DDX50: variants seen among roughly 807,000 people sequenced by gnomAD.
DDX50 encodes ATP-dependent RNA helicase DDX50.
In DDX50, 56 loss-of-function variants were observed where a neutral mutation model predicts 94.8. The observed-to-expected ratio is 0.59, with a 90% CI of 0.48 to 0.74. The LOEUF is 0.74. Ranked by LOEUF, DDX50 falls within the 30% of genes least tolerant of loss-of-function variation. The pLI, the probability that DDX50 is intolerant of heterozygous loss-of-function variation, is 0.00. For synonymous variants in DDX50, 264 were observed against 295.4 expected (o/e 0.89, Z 1.09); for missense variants, 713 against 881.2 (o/e 0.81, Z 2.42).
rs987320554 is a variant in DDX50 at position 68,911,261 on chromosome 10, G to T, written c.639+15G>T. 3.2e-6 allele frequency: 5 copies of T among 1,539,640 alleles called. No individual in the cohort carries two copies. The highest frequency in any genetic ancestry group is 1.3e-5 in the South Asian group (1 of 75,378). ...GCTCACCAAAGGTAATCGTTATAGG[G>T]GGTAAAAGCTTTAAATGTTACTCTA... On this transcript the variant is annotated intron_variant, in intron 4 of 14. Transcript: ENST00000373585.
rs531070735 is a variant in DDX50, at chr10:68,934,804, T to C, written c.1407T>C (p.Val469=). ...LVIQSSPPQD[V]ESYIHRSGRT... ...TTACCTTTTATAATCTTTAGGATGTTGAGTCCTATATCCATCGCTCTGGAC... is the reference window on the plus strand; with the variant it reads ...TTACCTTTTATAATCTTTAGGATGTCGAGTCCTATATCCATCGCTCTGGAC... Residue 469 remains valine, a synonymous_variant, in exon 10 of 15, where the codon GTT becomes GTC. Transcript: ENST00000373585. The surrounding 1 kb of genome is among the most constrained non-coding windows in gnomAD (Gnocchi z 4.0). The C allele has an allele frequency of 8.8e-6, 14 of 1,592,338 alleles. No homozygotes were observed. The highest frequency in any genetic ancestry group is 1.1e-5 in the Non-Finnish European group (13 of 1,173,164).
chr10:68,946,790 A>G lies in DDX50; in HGVS notation c.*160A>G. The stretch of plus-strand genomic sequence containing the variant: ...AAAGTATTTCACAAGAATGGAACAA[A>G]TCTACTTATCCAGTTATACCTTTGA... On this transcript the variant is annotated 3_prime_UTR_variant, in exon 15 of 15. Transcript: ENST00000373585. 1.1e-6 allele frequency: 1 copy of G among 873,278 alleles called. No homozygotes were observed. Among genetic ancestry groups the G allele is most frequent in the Non-Finnish European group, 1.7e-6 (1 of 584,230 alleles). The allele number at this position is 873,278 out of a possible 1,614,324, so 54.1% of individuals were successfully genotyped here.
Position 68,936,968 on chromosome 10 carries a change from A to AT in DDX50, c.1634dup (p.Arg546ProfsTer31), listed in dbSNP as rs1842436987. ...GCTTCCGTTTCTTACGCTGCTGTTG[A>AT]TTTTTTCCGACCATCAGCTCAGAGA... On this transcript the variant is annotated frameshift_variant, in exon 12 of 15. Coordinates refer to ENST00000373585, the MANE Select transcript of DDX50 (RefSeq NM_024045.2). LOFTEE classifies it high-confidence loss of function. The AT allele has an allele frequency of 6.2e-7, 1 of 1,607,796 alleles. No homozygotes were observed. The highest frequency in any genetic ancestry group is 8.5e-7 in the Non-Finnish European group (1 of 1,177,532).
At chr10:68,940,927 AT>A in intron 12 of DDX50, 132 bp from the exon 13 acceptor site, 2 of 1,209,706 alleles carry the variant, frequency 1.7e-6, no homozygotes, top group Admixed American at 3.2e-5. Context: ...TTTCAAAAAA[AT>A]TTTTTAGCTG....
chr10:68,928,048 G>A (rs1289895224), intron 8 of DDX50, among the ~76,000 whole-genome samples: 1 of 152,098 alleles, frequency 6.6e-6, no homozygotes. Context: ...ATAAAAGGAT[G>A]TTTTTGAAAT....
intron 14 of DDX50, among the ~76,000 whole-genome samples, chr10:68,945,686 T>C (rs773016161): frequency 3.9e-5 from 6 of 152,326 alleles, no homozygotes; most frequent in Non-Finnish European, 5.9e-5. Context: ...GATGCTCTTA[T>C]GGGTTACTGA....
Position 68,901,318 on chromosome 10 carries a change from T to C in DDX50, c.-67T>C, listed in dbSNP as rs1407710263. On this transcript the variant is annotated 5_prime_UTR_variant, in exon 1 of 15. Coordinates refer to ENST00000373585, the MANE Select transcript of DDX50 (RefSeq NM_024045.2). ...GGCGGCCGCCTTGCCCCCGCTTCCTTTCACGCTGTCGCTGCCCGTAGGTGG... is the reference window on the plus strand; with the variant it reads ...GGCGGCCGCCTTGCCCCCGCTTCCTCTCACGCTGTCGCTGCCCGTAGGTGG... The C allele has an allele frequency of 4.9e-6, 7 of 1,440,178 alleles. No individual in the cohort carries two copies. Among genetic ancestry groups the C allele is most frequent in the Non-Finnish European group, 6.5e-6 (7 of 1,080,912 alleles). 89.2% of individuals were successfully genotyped at this position (1,440,178 alleles called of 1,614,324 possible).
At position 68,923,705 on chromosome 10, in the gene DDX50, G is replaced by A. The variant is rs184881241; in HGVS notation, c.1239+3724G>A. 5.2e-3 allele frequency among the ~76,000 whole-genome samples: 793 copies of A among 151,356 alleles called. 4 individuals are homozygous for A. The highest frequency in any genetic ancestry group is 0.018 in the African/African-American group (756 of 41,232). On this transcript the variant is annotated intron_variant, in intron 8 of 14. Transcript: ENST00000373585. ...ATTACAGGTACACACCACCACACCCGGCTAATTTTTGTATATTTAGTAGAG... is the reference window on the plus strand; with the variant it reads ...ATTACAGGTACACACCACCACACCCAGCTAATTTTTGTATATTTAGTAGAG...
intron 3 of DDX50, 65 bp from the exon 4 acceptor site, chr10:68,911,003 A>G: frequency 2.5e-6 from 3 of 1,219,818 alleles, no homozygotes; most frequent in Non-Finnish European, 3.3e-6. Context: ...TGTCATTTTC[A>G]AATGAATATA....
chr10:68,933,935 A>T (rs1842336367), intron 8 of DDX50, among the ~76,000 whole-genome samples: 1 of 142,404 alleles, frequency 7.0e-6, no homozygotes, highest in Admixed American at 7.1e-5. Flanking sequence ...AACTCTGTCT[A>T]AAAAAAAAAA....
chr10:68,940,746 T>C (rs1477762743), intron 12 of DDX50, among the ~76,000 whole-genome samples: 4 of 152,150 alleles, frequency 2.6e-5, no homozygotes, highest in African/African-American at 9.7e-5. Context: ...TGACTTTGAC[T>C]CCTTCAACAT....
intron 8 of DDX50, among the ~76,000 whole-genome samples, chr10:68,921,711 A>G (rs1170050018): frequency 1.3e-5 from 2 of 152,174 alleles, no homozygotes; most frequent in Non-Finnish European, 2.9e-5. Flanking sequence ...CCTATTGATA[A>G]TATCTTGTTT....
At chr10:68,931,989 C>G (rs1427719600) in intron 8 of DDX50, among the ~76,000 whole-genome samples, 2 of 152,154 alleles carry the variant, frequency 1.3e-5, no homozygotes, top group Admixed American at 1.3e-4. Flanking sequence ...GATGTTAGGT[C>G]TCAGCTTCAG....
chr10:68,933,949 A>T (rs1395586669), intron 8 of DDX50, among the ~76,000 whole-genome samples: 1 of 151,828 alleles, frequency 6.6e-6, no homozygotes, highest in Non-Finnish European at 1.5e-5. Context: ...AAAAAAAAAA[A>T]TCTGACAGAA....
intron 14 of DDX50, among the ~76,000 whole-genome samples, chr10:68,945,393 G>A (rs1169564128): frequency 6.6e-6 from 1 of 151,560 alleles, no homozygotes. Context: ...TGCAACCTCT[G>A]CCTCCCAGGT....
rs777248960 is a variant in DDX50, at chr10:68,913,475, T to C, written c.842T>C (p.Leu281Pro). 1 of 1,614,172 alleles carries C rather than the reference T, an allele frequency of 6.2e-7. No individual in the cohort carries two copies. The change falls in exon 6 of 15, where the codon CTT (leucine) becomes CCT (proline). Residue 281 changes from leucine to proline, a missense_variant. Around this residue, in one of 2 missense-constraint regions of DDX50, gnomAD observed 428 missense variants for 602.3 expected, o/e 0.71. Transcript: ENST00000373585. ...KDHLQSGRLDLSKLRHVVLDE... is the reference protein window; with the variant it reads ...KDHLQSGRLDPSKLRHVVLDE... ...CATCTGCAGAGTGGCCGATTGGATC[T>C]TTCTAAACTGCGACATGTTGTGCTT...
At chr10:68,940,926 A>G in intron 12 of DDX50, 134 bp from the exon 13 acceptor site, 1 of 1,197,242 alleles carries the variant, frequency 8.4e-7, no homozygotes, top group Non-Finnish European at 1.1e-6. Flanking sequence ...GTTTCAAAAA[A>G]ATTTTTTAGC....
At chr10:68,917,963 C>T (rs1841844413) in intron 7 of DDX50, among the ~76,000 whole-genome samples, 1 of 151,590 alleles carries the variant, frequency 6.6e-6, no homozygotes, top group African/African-American at 2.4e-5. Flanking sequence ...TCACTCTTGT[C>T]GCCCAGGCTG....
chr10:68,908,451 C>CGA (rs1841527080), intron 2 of DDX50, among the ~76,000 whole-genome samples: 1 of 43,708 alleles, frequency 2.3e-5, no homozygotes, highest in African/African-American at 8.9e-5. Context: ...AACTCCATCT[C>CGA]AAAAAAAAAA....
Sources: allele counts gnomAD v4.1 joint callset (sites outside exome capture counted in the v4.1 genomes callset), GRCh38; gene constraint gnomAD v4.1.1; regional missense constraint gnomAD v4.1.1; non-coding constraint Gnocchi (gnomAD v3.1); transcripts MANE v1.5; gene names NCBI Gene and HGNC (gene_info 2026-07-23, HGNC 2026-07-21).